NUDCD1: variants seen among roughly 807,000 people sequenced by gnomAD.
NUDCD1 encodes nudC domain-containing protein 1.
A neutral mutation model predicts 67.8 loss-of-function variants in NUDCD1; 60 were observed. The ratio of observed to expected loss-of-function variants is 0.88; its 90% CI spans 0.72 to 1.10. The LOEUF (loss-of-function observed/expected upper bound fraction) is 1.10. NUDCD1 is among the 50% of genes least tolerant of loss of function. The probability of loss-of-function intolerance (pLI) is 0.00; values close to 1 mark genes in which losing one functional copy is unlikely to be tolerated. For synonymous variants in NUDCD1, 244 were observed against 230.8 expected, an observed-to-expected ratio of 1.06 and a Z score of -0.52; for missense variants, 643 against 695.0, an observed-to-expected ratio of 0.93 and a Z score of 0.84.
chr8:109,248,314 A>T lies in NUDCD1; in HGVS notation c.1300-2833T>A, dbSNP rs185627998. ...AGAGAATAAGTCTGTGTTGTTTTCAACCACTACACCTGCAGCAATTCGTTG... is the reference window on the plus strand; with the variant it reads ...AGAGAATAAGTCTGTGTTGTTTTCATCCACTACACCTGCAGCAATTCGTTG... On this transcript the variant is annotated intron_variant, in intron 8 of 9. Coordinates refer to ENST00000239690, the MANE Select transcript of NUDCD1 (RefSeq NM_032869.4). Among the ~76,000 whole-genome samples the T allele has an allele frequency of 2.0e-5, 3 of 152,336 alleles. No homozygotes were observed. The East Asian group carries it at 5.8e-4, about 29-fold the overall frequency.
rs555788265 is a variant in NUDCD1, at chr8:109,257,593, T to C, written c.1300-12112A>G. Among the ~76,000 whole-genome samples, 15 of 152,194 alleles carry C rather than the reference T, an allele frequency of 9.9e-5. No individual in the cohort carries two copies. In the South Asian group the frequency reaches 2.1e-3, roughly 21 times the overall value. On this transcript the variant is annotated intron_variant, in intron 8 of 9. Transcript: ENST00000239690. ...ATTTTTGTGCAAATTAAAAAGCTGA[T>C]TGTAAAGTTTTTACAAGAACCAAAC...
chr8:109,276,230 C>T lies in NUDCD1; in HGVS notation c.1029-734G>A, dbSNP rs552217130. ...GATGCAGCAGGAAAGGGAAAGAGAG[C>T]AGAGTCAAGGCAGACTACGGACATA... On this transcript the variant is annotated intron_variant, in intron 6 of 9. Transcript: ENST00000239690. 3.9e-5 allele frequency among the ~76,000 whole-genome samples: 6 copies of T among 152,204 alleles called. No individual in the cohort carries two copies. The East Asian group carries it at 1.2e-3, about 29-fold the overall frequency.
intron 2 of NUDCD1, among the ~76,000 whole-genome samples, chr8:109,313,493 G>A (rs1020653819): frequency 1.3e-5 from 2 of 152,112 alleles, no homozygotes; most frequent in African/African-American, 4.8e-5. Context: ...GAAGTGTAGT[G>A]GTCGGGGAGA....
intron 9 of NUDCD1, among the ~76,000 whole-genome samples, chr8:109,244,900 A>C (rs1813458238): frequency 6.6e-6 from 1 of 152,178 alleles, no homozygotes; most frequent in Admixed American, 6.5e-5. Context: ...TTTTGACAAA[A>C]GATGTCTCCT....
chr8:109,271,741 T>C (rs112838787), intron 7 of NUDCD1, among the ~76,000 whole-genome samples: 21 of 152,102 alleles, frequency 1.4e-4, no homozygotes, highest in African/African-American at 4.6e-4. Context: ...ACATTATAAT[T>C]AAATTTCTGA....
chr8:109,268,123 T>C (rs1814046859), intron 8 of NUDCD1, among the ~76,000 whole-genome samples: 1 of 152,208 alleles, frequency 6.6e-6, no homozygotes, highest in East Asian at 1.9e-4. Context: ...TTATTATATA[T>C]TGGACTTCTT....
At chr8:109,291,033 C>T (rs905851625) in intron 4 of NUDCD1, among the ~76,000 whole-genome samples, 13 of 152,114 alleles carry the variant, frequency 8.5e-5, no homozygotes, top group South Asian at 6.2e-4. Flanking sequence ...ATCCAAACAC[C>T]GACATCACAT....
intron 2 of NUDCD1, among the ~76,000 whole-genome samples, chr8:109,301,124 G>C (rs920882486): frequency 5.9e-5 from 9 of 152,158 alleles, no homozygotes; most frequent in Non-Finnish European, 1.3e-4. Context: ...CCTGTGACCT[G>C]CACGTATGCA....
chr8:109,304,599 T>C (rs1474244908), intron 2 of NUDCD1, among the ~76,000 whole-genome samples: 1 of 152,206 alleles, frequency 6.6e-6, no homozygotes, highest in Non-Finnish European at 1.5e-5. Flanking sequence ...TTCCATATCC[T>C]GCACCACCAT....
At chr8:109,275,568 T>C (rs888827350) in intron 6 of NUDCD1, 72 bp from the exon 7 acceptor site, 5 of 1,372,554 alleles carry the variant, frequency 3.6e-6, no homozygotes, top group Non-Finnish European at 5.0e-6. Context: ...TAGCAAACAT[T>C]GTTTGTTTCT....
At chr8:109,332,686 T>C (rs1270631499) in intron 1 of NUDCD1, among the ~76,000 whole-genome samples, 1 of 152,196 alleles carries the variant, frequency 6.6e-6, no homozygotes, top group Non-Finnish European at 1.5e-5. Flanking sequence ...TTTGAGACAC[T>C]GAATTTTGGC....
intron 2 of NUDCD1, among the ~76,000 whole-genome samples, chr8:109,310,930 C>T (rs1038388478): frequency 2.6e-5 from 4 of 151,050 alleles, no homozygotes; most frequent in East Asian, 2.0e-4. Flanking sequence ...ATTCCCCTGC[C>T]TCAGCCTCCC....
intron 1 of NUDCD1, among the ~76,000 whole-genome samples, chr8:109,332,293 T>C (rs971321645): frequency 2.6e-5 from 4 of 152,092 alleles, no homozygotes; most frequent in African/African-American, 9.7e-5. Flanking sequence ...ATAACTCTGA[T>C]TTGGATTAGG....
intron 2 of NUDCD1, among the ~76,000 whole-genome samples, chr8:109,301,249 T>C (rs1217149336): frequency 6.6e-6 from 1 of 152,160 alleles, no homozygotes; most frequent in Non-Finnish European, 1.5e-5. Context: ...GGATATATTC[T>C]CCCCGATCCT....
chr8:109,316,666 T>A (rs542950036), intron 2 of NUDCD1, among the ~76,000 whole-genome samples: 1 of 152,212 alleles, frequency 6.6e-6, no homozygotes, highest in Non-Finnish European at 1.5e-5. Flanking sequence ...CATTTGTTGC[T>A]GATGAGAAAA....
At position 109,334,034 on chromosome 8, in the gene NUDCD1, GA is replaced by G. The variant is rs1474757484; in HGVS notation, c.-25del. ...ATCGCTTTCCAGGGCCGCAGCGTGA[GA>G]ATTAATAAAGCCCTTGTTGAAAGGT... is the stretch of plus-strand genomic sequence containing the variant. On this transcript the variant is annotated 5_prime_UTR_variant, in exon 1 of 10. Coordinates refer to ENST00000239690, the MANE Select transcript of NUDCD1 (RefSeq NM_032869.4). The G allele has an allele frequency of 7.4e-6, 12 of 1,613,862 alleles. No individual in the cohort carries two copies. Among genetic ancestry groups the G allele is most frequent in the Non-Finnish European group, 1.0e-5 (12 of 1,179,944 alleles).
chr8:109,282,094 T>G (rs551621688), intron 5 of NUDCD1, among the ~76,000 whole-genome samples: 3 of 152,110 alleles, frequency 2.0e-5, no homozygotes, highest in Non-Finnish European at 4.4e-5. Flanking sequence ...GCCAGGTAGA[T>G]TCTCCCTCAG....
In NUDCD1 at chr8:109,241,233, A is replaced by G. The variant is rs965308605; in HGVS notation, c.*1776T>C. ...AACATTAATCATGCAAAAAAATCAC[A>G]TGCACAAAGAATATTGATTACTAAA... On this transcript the variant is annotated 3_prime_UTR_variant, in exon 10 of 10. Transcript: ENST00000239690. The G allele has an allele frequency of 3.3e-5, 5 of 152,156 alleles. No homozygotes were observed. Among genetic ancestry groups the G allele is most frequent in the African/African-American group, 1.2e-4 (5 of 41,448 alleles). 9.4% of individuals were successfully genotyped at this position (152,156 alleles called of 1,614,324 possible). A position where few individuals can be genotyped will look rare whatever the true frequency, so the allele number is the denominator to read the frequency against.
intron 6 of NUDCD1, among the ~76,000 whole-genome samples, chr8:109,276,347 G>C (rs937805341): frequency 6.6e-6 from 1 of 152,158 alleles, no homozygotes; most frequent in African/African-American, 2.4e-5. Flanking sequence ...TAACAGAAAA[G>C]GGGAGTGGTA....
Sources: gnomAD v4.1 joint callset for allele counts (sites outside exome capture counted in the v4.1 genomes callset) on GRCh38, gnomAD v4.1.1 for gene constraint, MANE v1.5 for transcripts, NCBI Gene and HGNC (gene_info 2026-07-23, HGNC 2026-07-21) for gene names.